Variants in CACNA1C observed in about 807,000 individuals in gnomAD.
CACNA1C encodes voltage-dependent L-type calcium channel subunit alpha-1C.
CACNA1C carries 30 observed loss-of-function variants against 229.0 expected under a neutral mutation model. That is an observed-to-expected ratio of 0.13 (90% confidence interval 0.10 to 0.18). The LOEUF (loss-of-function observed/expected upper bound fraction) is 0.18. Among genes scored for constraint, CACNA1C ranks in the 10% least tolerant of loss-of-function variants. The probability of loss-of-function intolerance (pLI) is 1.00; values close to 1 mark genes in which losing one functional copy is unlikely to be tolerated. For missense variants in CACNA1C, 1,658 were observed against 2,845.0 expected (o/e 0.58, Z 9.49); for synonymous variants, 1,114 against 1,132.5 (o/e 0.98, Z 0.33).
chr12:2,457,918 C>A (rs2099449016), intron 5 of CACNA1C, among the ~76,000 whole-genome samples: 1 of 152,184 alleles, frequency 6.6e-6, no homozygotes, highest in East Asian at 1.9e-4. Flanking sequence ...CCTGGAAACT[C>A]CTGGAGAAAG....
intron 3 of CACNA1C, among the ~76,000 whole-genome samples, chr12:2,321,140 G>C (rs890961484): frequency 5.9e-5 from 9 of 152,196 alleles, no homozygotes; most frequent in African/African-American, 2.2e-4. Context: ...CAGGCAGCCA[G>C]TGTCACCTGC....
Position 2,666,857 on chromosome 12 carries a change from A to G in CACNA1C, c.4623+75A>G. 1.1e-6 allele frequency: 1 copy of G among 875,550 alleles called. No homozygotes were observed. The highest frequency in any genetic ancestry group is 1.9e-6 in the Non-Finnish European group (1 of 537,372). The allele number at this position is 875,550 out of a possible 1,614,324, so 54.2% of individuals were successfully genotyped here. A position where few individuals can be genotyped will look rare whatever the true frequency, so the allele number is the denominator to read the frequency against. On this transcript the variant is annotated intron_variant, in intron 37 of 46. Coordinates refer to ENST00000399655, the MANE Select transcript of CACNA1C (RefSeq NM_000719.7). This position sits in a 1 kb window ranked among gnomAD's most constrained non-coding sequence, Gnocchi z 5.3. ...AAGTGCCCATTTCTTGTGATCCTTT[A>G]AGGGAATGAACATACTAGTTTATGT...
At chr12:2,325,990 C>G (rs1592881069) in intron 3 of CACNA1C, among the ~76,000 whole-genome samples, 2 of 152,218 alleles carry the variant, frequency 1.3e-5, no homozygotes, top group Admixed American at 1.3e-4. Context: ...CTGGCCAGCC[C>G]CCTGAGGACG....
intron 5 of CACNA1C, among the ~76,000 whole-genome samples, chr12:2,464,756 C>T (rs2099539173): frequency 6.6e-6 from 1 of 152,256 alleles, no homozygotes; most frequent in Non-Finnish European, 1.5e-5. Flanking sequence ...CGGAAGTTTA[C>T]TTTCATCCTG....
At chr12:2,295,558 G>A (rs2093959949) in intron 3 of CACNA1C, among the ~76,000 whole-genome samples, 1 of 152,304 alleles carries the variant, frequency 6.6e-6, no homozygotes, top group Admixed American at 6.5e-5. Context: ...CAGTGAATGT[G>A]TATTGATATC....
intron 3 of CACNA1C, among the ~76,000 whole-genome samples, chr12:2,315,621 T>C (rs991497969): frequency 2.8e-4 from 42 of 152,140 alleles, no homozygotes; most frequent in African/African-American, 9.9e-4. Context: ...AAGCTGTGAG[T>C]GTCCTCAAAC....
chr12:1,993,244 C>G (rs780485055), intron 1 of CACNA1C: 4 of 1,614,058 alleles, frequency 2.5e-6, no homozygotes, highest in African/African-American at 2.7e-5. Flanking sequence ...AAACAACCCA[C>G]TGTAGTAAGA....
At chr12:2,370,304 A>G (rs1025803443) in intron 3 of CACNA1C, among the ~76,000 whole-genome samples, 1 of 152,244 alleles carries the variant, frequency 6.6e-6, no homozygotes, top group African/African-American at 2.4e-5. Context: ...AATGCATATC[A>G]AGGTCTTTGA....
At chr12:2,396,434 G>C (rs921461089) in intron 3 of CACNA1C, among the ~76,000 whole-genome samples, 4 of 152,150 alleles carry the variant, frequency 2.6e-5, no homozygotes, top group African/African-American at 7.2e-5. Flanking sequence ...TCTGTGGTTG[G>C]GGGCAGAAAG....
intron 3 of CACNA1C, among the ~76,000 whole-genome samples, chr12:2,389,291 C>T (rs2098446354): frequency 6.6e-6 from 1 of 150,504 alleles, no homozygotes; most frequent in Non-Finnish European, 1.5e-5. Flanking sequence ...GCAAGCATGC[C>T]AGAGGAGTGC....
In CACNA1C at chr12:2,598,814, G is replaced by A. The variant is rs9971927; in HGVS notation, c.2853+1525G>A. Among the ~76,000 whole-genome samples the A allele has an allele frequency of 8.0e-3, 1,222 of 152,262 alleles. 19 individuals are homozygous for A. The highest frequency in any genetic ancestry group is 0.027 in the African/African-American group (1,134 of 41,540). ...GTGTCCTTGTCCCCAGGACACTCAG[G>A]TGCCCCCAGCTGCCATCCCTGGTTC... On this transcript the variant is annotated intron_variant, in intron 21 of 46. Transcript: ENST00000399655.
intron 18 of CACNA1C, among the ~76,000 whole-genome samples, chr12:2,591,106 G>A (rs1362816778): frequency 6.6e-6 from 1 of 152,118 alleles, no homozygotes; most frequent in East Asian, 1.9e-4. Flanking sequence ...ATTACCCTAG[G>A]GAAAGAATCT....
chr12:2,449,972 A>G (rs1163957698), intron 4 of CACNA1C, among the ~76,000 whole-genome samples: 1 of 152,126 alleles, frequency 6.6e-6, no homozygotes, highest in Non-Finnish European at 1.5e-5. Flanking sequence ...GGCCCCAGAA[A>G]ACCAGACTGC....
chr12:2,110,524 T>G (rs1048365462), intron 1 of CACNA1C, among the ~76,000 whole-genome samples: 2 of 152,186 alleles, frequency 1.3e-5, no homozygotes, highest in Admixed American at 6.5e-5. Context: ...CTTTATAATT[T>G]GAAAATTGAT....
chr12:2,579,603 C>T (rs1045710496), intron 13 of CACNA1C, among the ~76,000 whole-genome samples: 4 of 152,064 alleles, frequency 2.6e-5, no homozygotes, highest in Admixed American at 6.6e-5. Flanking sequence ...TATTTTAGGA[C>T]AGGGTCTCAC....
chr12:2,618,080 G>A (rs571274628), intron 29 of CACNA1C, among the ~76,000 whole-genome samples: 2 of 152,294 alleles, frequency 1.3e-5, no homozygotes, highest in South Asian at 4.1e-4. Flanking sequence ...CTGAGGGTCC[G>A]GATTGCTCAG....
At chr12:2,526,103 A>T (rs184716043) in intron 9 of CACNA1C, among the ~76,000 whole-genome samples, 8 of 152,258 alleles carry the variant, frequency 5.3e-5, no homozygotes, top group African/African-American at 1.9e-4. Flanking sequence ...TTTATGTCTT[A>T]CTTTCTTTCT....
At chr12:2,572,799 T>TC (rs2056636524) in intron 13 of CACNA1C, among the ~76,000 whole-genome samples, 1 of 82,886 alleles carries the variant, frequency 1.2e-5, no homozygotes, top group Non-Finnish European at 2.5e-5. Flanking sequence ...CTCCTCCTCC[T>TC]CTCCTCCTTC....
intron 5 of CACNA1C, among the ~76,000 whole-genome samples, chr12:2,474,315 C>T (rs2099609629): frequency 6.6e-6 from 1 of 152,144 alleles, no homozygotes; most frequent in South Asian, 2.1e-4. Flanking sequence ...GAGGCTCTGT[C>T]AAGGGTTTGG....
Sources: gnomAD v4.1 joint callset for allele counts (sites outside exome capture counted in the v4.1 genomes callset) on GRCh38, gnomAD v4.1.1 for gene constraint, Gnocchi (gnomAD v3.1) non-coding constraint, MANE v1.5 for transcripts, NCBI Gene and HGNC (gene_info 2026-07-23, HGNC 2026-07-21) for gene names.